Variants in CDH17 observed in about 807,000 individuals in gnomAD.
CDH17 encodes cadherin-17.
CDH17 carries 67 observed loss-of-function variants against 86.3 expected under a neutral mutation model. The ratio of observed to expected loss-of-function variants is 0.78; its 90% CI spans 0.64 to 0.95. The LOEUF (loss-of-function observed/expected upper bound fraction) is 0.95, where lower values mean the gene tolerates loss of function less well. Among genes scored for constraint, CDH17 ranks in the 40% least tolerant of loss-of-function variants. The probability of loss-of-function intolerance (pLI) is 0.00; values close to 1 mark genes in which losing one functional copy is unlikely to be tolerated. For synonymous variants in CDH17, 367 were observed against 366.4 expected (o/e 1.00, Z -0.02); for missense variants, 993 against 1,017.6 (o/e 0.98, Z 0.33).
At chr8:94,135,345 A>G (rs137994842) in intron 15 of CDH17, among the ~76,000 whole-genome samples, 5,790 of 152,208 alleles carry the variant, frequency 0.038, 352 homozygotes, top group East Asian at 0.24. Flanking sequence ...GTGCTCCTGT[A>G]TTAGGTGCAT....
chr8:94,206,595 G>A (rs997831448), intron 1 of CDH17, among the ~76,000 whole-genome samples: 4 of 151,466 alleles, frequency 2.6e-5, no homozygotes, highest in South Asian at 2.1e-4. Flanking sequence ...ACAATGGAAC[G>A]AGAAGTAGAG....
intron 17 of CDH17, among the ~76,000 whole-genome samples, chr8:94,129,522 G>A (rs1563561349): frequency 6.6e-6 from 1 of 152,140 alleles, no homozygotes; most frequent in Non-Finnish European, 1.5e-5. Context: ...AAGATCAGAT[G>A]CTGAGAGAAC....
At chr8:94,130,314 C>G (rs1306857328) in intron 17 of CDH17, among the ~76,000 whole-genome samples, 1 of 152,196 alleles carries the variant, frequency 6.6e-6, no homozygotes, top group Non-Finnish European at 1.5e-5. Flanking sequence ...GTGCCTGACA[C>G]ATGGCACAGC....
intron 4 of CDH17, among the ~76,000 whole-genome samples, chr8:94,177,191 GC>G (rs1469852622): frequency 6.6e-6 from 1 of 152,062 alleles, no homozygotes; most frequent in African/African-American, 2.4e-5. Flanking sequence ...TTCTTCCAAC[GC>G]CCAAAGGAGC....
chr8:94,180,645 C>T (rs1226204054), intron 3 of CDH17, among the ~76,000 whole-genome samples: 2 of 151,986 alleles, frequency 1.3e-5, no homozygotes, highest in African/African-American at 4.8e-5. Flanking sequence ...GCCTGTAATC[C>T]CAGCACTTTG....
chr8:94,148,541 CAAAAAAAA>C (rs59942237), intron 14 of CDH17, among the ~76,000 whole-genome samples, 195 bp downstream of exon 14: 3 of 29,200 alleles, frequency 1.0e-4, no homozygotes, highest in East Asian at 4.1e-3. Flanking sequence ...GACTCCATCT[CAAAAAAAA>C]AAAAAAAAAA....
At position 94,128,116 on chromosome 8, in the gene CDH17, T is replaced by G; in HGVS notation, c.*124A>C. The G allele has an allele frequency of 1.5e-6, 1 of 669,244 alleles. No homozygotes were observed. The highest frequency in any genetic ancestry group is 2.7e-5 in the Admixed American group (1 of 37,630). The allele number at this position is 669,244 out of a possible 1,614,324, so 41.5% of individuals were successfully genotyped here. A position where few individuals can be genotyped will look rare whatever the true frequency, so the allele number is the denominator to read the frequency against. On this transcript the variant is annotated 3_prime_UTR_variant, in exon 18 of 18. Coordinates refer to ENST00000027335, the MANE Select transcript of CDH17 (RefSeq NM_004063.4). The stretch of plus-strand genomic sequence containing the variant: ...TCAAAAAAGAAATATTTAGCAAATA[T>G]TAAAGGACAAGAGGGAATATCTGTT...
intron 12 of CDH17, among the ~76,000 whole-genome samples, 176 bp downstream of exon 12, chr8:94,159,795 T>C (rs1813015122): frequency 1.3e-5 from 2 of 152,206 alleles, no homozygotes; most frequent in South Asian, 4.1e-4. Flanking sequence ...GAATCCTGAC[T>C]TCCCGTCTGT....
At position 94,130,735 on chromosome 8, in the gene CDH17, T is replaced by C. The variant is rs16916583; in HGVS notation, c.2289A>G (p.Thr763=). 11,759 of 1,612,466 alleles carry C rather than the reference T, an allele frequency of 7.3e-3. 618 individuals are homozygous for C. In the African/African-American group the frequency reaches 0.12, roughly 17 times the overall value. The part of the protein sequence containing the change: ...PLEGIVSLPV[T]FCSCVEGSCF... ...AACTTCCTTCCACACAACTGCAGAA[T>C]GTAACTGAAAAGCAGGACAGTATTT... Residue 763 remains threonine (T), a synonymous_variant, in exon 17 of 18, where the codon ACA becomes ACG. Transcript: ENST00000027335.
At chr8:94,211,426 C>T (rs1245134919), upstream of CDH17, among the ~76,000 whole-genome samples, 1 of 152,166 alleles carries the variant, frequency 6.6e-6, no homozygotes, top group Non-Finnish European at 1.5e-5. Context: ...ATTCTCCTGC[C>T]TCAGCCTCCC....
At chr8:94,188,677 A>T (rs1049876400) in intron 3 of CDH17, among the ~76,000 whole-genome samples, 2 of 152,132 alleles carry the variant, frequency 1.3e-5, no homozygotes, top group African/African-American at 4.8e-5. Flanking sequence ...GATACTGTTC[A>T]TGGTTATCTA....
intron 9 of CDH17, among the ~76,000 whole-genome samples, chr8:94,167,124 C>T (rs1813172602): frequency 6.6e-6 from 1 of 152,134 alleles, no homozygotes; most frequent in African/African-American, 2.4e-5. Context: ...CCAAAGATAA[C>T]ACAGGGCAGG....
At chr8:94,206,274 C>T (rs1814024812) in intron 1 of CDH17, among the ~76,000 whole-genome samples, 1 of 152,136 alleles carries the variant, frequency 6.6e-6, no homozygotes, top group African/African-American at 2.4e-5. Flanking sequence ...CTTCTTCTTC[C>T]TGTCTGTTCT....
At chr8:94,151,718 T>C in intron 13 of CDH17, 150 bp downstream of exon 13, 1 of 877,910 alleles carries the variant, frequency 1.1e-6, no homozygotes, top group Non-Finnish European at 1.7e-6. Context: ...GCCCCCAGGG[T>C]GTTGACAGCT....
intron 3 of CDH17, among the ~76,000 whole-genome samples, chr8:94,187,770 G>A (rs931253407): frequency 6.6e-6 from 1 of 151,982 alleles, no homozygotes; most frequent in Non-Finnish European, 1.5e-5. Flanking sequence ...CCTGGCAGAG[G>A]GCAGCCATCC....
chr8:94,165,918 AC>A lies in CDH17; in HGVS notation c.1124del (p.Ser375IlefsTer3). 6.2e-7 allele frequency: 1 copy of A among 1,613,836 alleles called. No homozygotes were observed. Among genetic ancestry groups the A allele is most frequent in the Non-Finnish European group, 8.5e-7 (1 of 1,179,888 alleles). On this transcript the variant is annotated frameshift_variant, in exon 10 of 18. Transcript: ENST00000027335. LOFTEE classifies it high-confidence loss of function. ...GCTCCACAATCCTGTAGTTTAGAAA[AC>A]TGTTGGCAGTATTTTCTTCATCCCT... ...HDRDEENTAN[S>X]FLNYRIVEQT...
chr8:94,195,760 ATTT>A (rs5893269), intron 1 of CDH17, among the ~76,000 whole-genome samples: 100 of 144,794 alleles, frequency 6.9e-4, no homozygotes, highest in Non-Finnish European at 8.2e-4. Flanking sequence ...AGTCAAGGAA[ATTT>A]TTTTTTTTTT....
chr8:94,168,705 C>T (rs2098403814), intron 9 of CDH17, among the ~76,000 whole-genome samples: 1 of 152,136 alleles, frequency 6.6e-6, no homozygotes. Flanking sequence ...CCAACAATGA[C>T]TTCTTCAGTC....
intron 1 of CDH17, among the ~76,000 whole-genome samples, chr8:94,216,970 C>T (rs1396817936): frequency 1.3e-5 from 2 of 152,170 alleles, no homozygotes; most frequent in African/African-American, 4.8e-5. Context: ...GGTGTCTACC[C>T]TCTACCAAGC....
Sources: allele counts gnomAD v4.1 joint callset (sites outside exome capture counted in the v4.1 genomes callset), GRCh38; gene constraint gnomAD v4.1.1; transcripts MANE v1.5; gene names NCBI Gene and HGNC (gene_info 2026-07-23, HGNC 2026-07-21).